LRRC4C: variants seen among roughly 807,000 people sequenced by gnomAD.
LRRC4C encodes leucine rich repeat containing 4C.
A neutral mutation model predicts 33.6 loss-of-function variants in LRRC4C; 5 were observed. The ratio of observed to expected loss-of-function variants is 0.15; its 90% confidence interval spans 0.08 to 0.31. LRRC4C has a LOEUF of 0.31. Ranked by LOEUF, LRRC4C falls within the 10% of genes least tolerant of loss-of-function variation. The pLI is 1.00. For synonymous variants in LRRC4C, 329 were observed against 302.0 expected, an observed-to-expected ratio of 1.09 and a Z score of -0.93; for missense variants, 560 against 796.7, an observed-to-expected ratio of 0.70 and a Z score of 3.58.
chr11:40,566,392 A>AT (rs1356778850), intron 3 of LRRC4C, among the ~76,000 whole-genome samples: 1 of 152,100 alleles, frequency 6.6e-6, no homozygotes, highest in Non-Finnish European at 1.5e-5. Context: ...TATATATCAA[A>AT]TTAAGACAGA....
At chr11:40,867,192 C>T (rs924348193) in intron 2 of LRRC4C, among the ~76,000 whole-genome samples, 2 of 152,156 alleles carry the variant, frequency 1.3e-5, no homozygotes, top group East Asian at 1.9e-4. Context: ...CAACACAACC[C>T]TGTTTTTGAC....
At chr11:41,280,629 C>T (rs150177268) in intron 1 of LRRC4C, among the ~76,000 whole-genome samples, 7 of 152,234 alleles carry the variant, frequency 4.6e-5, no homozygotes, top group East Asian at 3.9e-4. Context: ...AGGTTTTAAA[C>T]GGTTCCACAC....
chr11:40,292,499 A>G (rs569052364), intron 4 of LRRC4C: 1 of 152,202 alleles, frequency 6.6e-6, no homozygotes, highest in Non-Finnish European at 1.5e-5. Flanking sequence ...AGAAAAGAAA[A>G]CACCACCACA....
intron 1 of LRRC4C, among the ~76,000 whole-genome samples, chr11:40,934,149 T>C (rs1957760444): frequency 6.6e-6 from 1 of 152,220 alleles, no homozygotes; most frequent in Non-Finnish European, 1.5e-5. Context: ...TTTCCTTCTA[T>C]CTTATTCACT....
At chr11:41,100,417 A>C (rs1437586729) in intron 1 of LRRC4C, among the ~76,000 whole-genome samples, 1 of 152,036 alleles carries the variant, frequency 6.6e-6, no homozygotes, top group East Asian at 1.9e-4. Flanking sequence ...AATACAAAAA[A>C]GTAGCTGGGA....
chr11:40,726,164 C>CA (rs372703808), intron 2 of LRRC4C, among the ~76,000 whole-genome samples: 13,379 of 136,288 alleles, frequency 0.098, 1,177 homozygotes, highest in African/African-American at 0.24. Flanking sequence ...ACCTATCAAC[C>CA]AAAAAAAAAA....
chr11:40,344,332 C>A (rs1565294937), intron 3 of LRRC4C, among the ~76,000 whole-genome samples: 2 of 152,116 alleles, frequency 1.3e-5, no homozygotes, highest in Non-Finnish European at 2.9e-5. Context: ...CCCTGGCATG[C>A]AAGGTTGGTT....
chr11:40,767,891 T>C (rs1293772507), intron 2 of LRRC4C, among the ~76,000 whole-genome samples: 2 of 151,868 alleles, frequency 1.3e-5, no homozygotes, highest in Admixed American at 6.6e-5. Context: ...AATAAACAAC[T>C]TAATAATGCT....
chr11:41,442,794 C>T (rs1447319692), intron 1 of LRRC4C, among the ~76,000 whole-genome samples: 1 of 152,100 alleles, frequency 6.6e-6, no homozygotes. Flanking sequence ...GCTATAAAAA[C>T]AGCCATTAGA....
chr11:40,178,926 T>G (rs1860743126), intron 5 of LRRC4C, among the ~76,000 whole-genome samples: 1 of 152,190 alleles, frequency 6.6e-6, no homozygotes, highest in Admixed American at 6.5e-5. Context: ...TAGCCCCAGG[T>G]TACTTACTGT....
intron 2 of LRRC4C, among the ~76,000 whole-genome samples, chr11:40,729,062 G>C (rs1053454659): frequency 1.3e-5 from 2 of 152,070 alleles, no homozygotes; most frequent in Non-Finnish European, 2.9e-5. Flanking sequence ...AGGATCAATA[G>C]AAGCTTAAAC....
intron 2 of LRRC4C, among the ~76,000 whole-genome samples, chr11:40,766,906 G>A (rs1441445560): frequency 6.6e-6 from 1 of 151,544 alleles, no homozygotes; most frequent in Non-Finnish European, 1.5e-5. Flanking sequence ...GGAAAGGAGG[G>A]AGGGAAGGAG....
At chr11:40,891,077 A>C (rs2136107620) in intron 2 of LRRC4C, among the ~76,000 whole-genome samples, 1 of 152,218 alleles carries the variant, frequency 6.6e-6, no homozygotes. Context: ...TAAAAATACA[A>C]AAATTAGCCA....
At chr11:41,346,069 C>A (rs767515) in intron 1 of LRRC4C, among the ~76,000 whole-genome samples, 63,768 of 151,898 alleles carry the variant, frequency 0.42, 14,103 homozygotes, top group Non-Finnish European at 0.49. Context: ...TCATTACACC[C>A]TCTAATTTAT....
chr11:40,820,529 C>A (rs1951889894), intron 2 of LRRC4C, among the ~76,000 whole-genome samples: 1 of 151,670 alleles, frequency 6.6e-6, no homozygotes, highest in African/African-American at 2.4e-5. Context: ...TCCTATAAAT[C>A]CAAGGTTATT....
chr11:40,233,890 G>C (rs1245066950), intron 5 of LRRC4C, among the ~76,000 whole-genome samples: 1 of 152,118 alleles, frequency 6.6e-6, no homozygotes, highest in Non-Finnish European at 1.5e-5. Context: ...AATAATAAGA[G>C]CTAACACTGT....
chr11:40,327,118 G>A (rs931102155), intron 3 of LRRC4C, among the ~76,000 whole-genome samples: 10 of 152,200 alleles, frequency 6.6e-5, no homozygotes, highest in Non-Finnish European at 1.5e-4. Flanking sequence ...GGTGGTCTAC[G>A]TTTGAGAGTT....
intron 1 of LRRC4C, among the ~76,000 whole-genome samples, chr11:40,981,188 G>A (rs1274333791): frequency 6.6e-6 from 1 of 152,234 alleles, no homozygotes; most frequent in East Asian, 1.9e-4. Flanking sequence ...GGCCGAGACG[G>A]GTGGATCACG....
intron 1 of LRRC4C, among the ~76,000 whole-genome samples, chr11:41,413,710 T>A (rs1015672209): frequency 4.6e-5 from 7 of 152,158 alleles, no homozygotes; most frequent in Admixed American, 3.9e-4. Flanking sequence ...ATCTATGGCA[T>A]AAAAGTAAGG....
Sources: gnomAD v4.1 joint callset for allele counts (sites outside exome capture counted in the v4.1 genomes callset) on GRCh38, gnomAD v4.1.1 for gene constraint, MANE v1.5 for transcripts, NCBI Gene and HGNC (gene_info 2026-07-23, HGNC 2026-07-21) for gene names.